TTN: variants seen among roughly 807,000 people sequenced by gnomAD.
TTN encodes connectin.
In TTN, 1,525 loss-of-function variants were observed where a neutral mutation model predicts 3,223.0. The observed-to-expected ratio is 0.47, with a 90% CI of 0.45 to 0.49. The LOEUF (loss-of-function observed/expected upper bound fraction) is 0.49. Among genes scored for constraint, TTN ranks in the 20% least tolerant of loss-of-function variants. The pLI is 0.00. For synonymous variants in TTN, 14,094 were observed against 15,161.0 expected (o/e 0.93, Z 5.17); for missense variants, 40,786 against 43,424.0 (o/e 0.94, Z 5.40).
chr2:178,738,164 C>T lies in TTN; in HGVS notation c.14289G>A (p.Gln4763=). ...ATGTATACTCGCCGCAGTCAACCAC[C>T]TGGGTTCTCAGGATTTCAAGGCTGG... ...YISSLEILRT[Q]VVDCGEYTCK... The change falls in exon 49 of 363, where the codon CAG becomes CAA. Residue 4763 remains glutamine (Q), a synonymous_variant. Coordinates refer to ENST00000589042, the MANE Select transcript of TTN (RefSeq NM_001267550.2). 2 of 1,613,804 alleles carry T rather than the reference C, an allele frequency of 1.2e-6. No homozygotes were observed. The highest frequency in any genetic ancestry group is 3.3e-4 in the Middle Eastern group (2 of 6,060).
In TTN at chr2:178,539,135, T is replaced by C. The variant is rs915727477; in HGVS notation, c.98800A>G (p.Ile32934Val). The stretch of plus-strand genomic sequence containing the variant: ...TCAGTGGATGTCTCTTTGCGTTCGA[T>C]GTAGTAGCCTGTGACTCTAGAACCA... ...DGGSRVTGYY[I>V]ERKETSTDKW... The change falls in exon 353 of 363, where the codon ATC (isoleucine) becomes GTC (valine). Residue 32934 changes from isoleucine (I) to valine (V), a missense_variant. Coordinates refer to ENST00000589042, the MANE Select transcript of TTN (RefSeq NM_001267550.2). 4.3e-6 allele frequency: 7 copies of C among 1,613,766 alleles called. No homozygotes were observed. Among genetic ancestry groups the C allele is most frequent in the Non-Finnish European group, 5.1e-6 (6 of 1,179,758 alleles).
In TTN at chr2:178,532,766, G is replaced by C; in HGVS notation, c.103849C>G (p.Pro34617Ala). ...PLPRITDQYRPKWRIPKLSQD... is the reference protein window; with the variant it reads ...PLPRITDQYRAKWRIPKLSQD... Reference sequence around the variant, plus strand: ...GACAGTTTAGGAATACGCCATTTAGGTCTGTATTGATCTGTAATGCGTGGA... The same window carrying C: ...GACAGTTTAGGAATACGCCATTTAGCTCTGTATTGATCTGTAATGCGTGGA... The change falls in exon 358 of 363, where the codon CCT becomes GCT. Residue 34617 changes from proline (P) to alanine (A), a missense_variant. Coordinates refer to ENST00000589042, the MANE Select transcript of TTN (RefSeq NM_001267550.2). The C allele has an allele frequency of 6.2e-7, 1 of 1,613,934 alleles. No individual in the cohort carries two copies. Among genetic ancestry groups the C allele is most frequent in the South Asian group, 1.1e-5 (1 of 91,078 alleles).
At chr2:178,712,672 A>G in intron 94 of TTN, 25 bp downstream of exon 94, 1 of 1,608,462 alleles carries the variant, frequency 6.2e-7, no homozygotes, top group Non-Finnish European at 8.5e-7. Flanking sequence ...TAATCGTATA[A>G]ATCTAGAAGA....
Position 178,681,142 on chromosome 2 carries a change from C to T in TTN, c.33277G>A (p.Glu11093Lys), listed in dbSNP as rs1223983021. 1.2e-6 allele frequency: 2 copies of T among 1,602,000 alleles called. No individual in the cohort carries two copies. The highest frequency in any genetic ancestry group is 1.3e-5 in the African/African-American group (1 of 74,176). Residue 11093 changes from glutamate (E) to lysine (K), a missense_variant, in exon 138 of 363, where the codon GAA becomes AAA. Coordinates refer to ENST00000589042, the MANE Select transcript of TTN (RefSeq NM_001267550.2). Reference sequence around the variant, plus strand: ...TTGGTAATTGAAATACGTATTTTTTCCTCAAAAACTTTCTTTGGTTCTTCA... The same window carrying T: ...TTGGTAATTGAAATACGTATTTTTTTCTCAAAAACTTTCTTTGGTTCTTCA... The part of the protein sequence containing the change: ...VPEEPKKVFE[E>K]KIRISITKRE...
At position 178,571,871 on chromosome 2, in the gene TTN, A is replaced by G. The variant is rs12616029; in HGVS notation, c.74261T>C (p.Val24754Ala). The G allele has an allele frequency of 3.7e-6, 6 of 1,613,508 alleles. No individual in the cohort carries two copies. Among genetic ancestry groups the G allele is most frequent in the Non-Finnish European group, 5.1e-6 (6 of 1,179,600 alleles). Residue 24754 changes from valine (V) to alanine (A), a missense_variant, in exon 326 of 363, where the codon GTA (valine) becomes GCA (alanine). Physicochemically the swap from Val to Ala is moderately conservative, Grantham distance 64 (BLOSUM62 0). Coordinates refer to ENST00000589042, the MANE Select transcript of TTN (RefSeq NM_001267550.2). ...TACTCTAGTTGTCTGCTTCAGTGGT[A>G]CATTATCTTTATGCCAGGTTACAGC... ...TPAVTWHKDN[V>A]PLKQTTRVNA...
At position 178,780,163 on chromosome 2, in the gene TTN, T is replaced by C. The variant is rs1332318631; in HGVS notation, c.3566A>G (p.Tyr1189Cys). ...LLMKSQQEMLYQTQVTAFVQE... is the reference protein window; with the variant it reads ...LLMKSQQEMLCQTQVTAFVQE... ...AACAAATGCAGTCACTTGTGTCTGA[T>C]AAAGCATTTCTTGCTGGGACTTCAT... is the stretch of plus-strand genomic sequence containing the variant. Residue 1189 changes from tyrosine to cysteine, a missense_variant, in exon 22 of 363, where the codon TAT becomes TGT. By Grantham distance (194) the Tyr-to-Cys change is radical. Transcript: ENST00000589042. 6.2e-7 allele frequency: 1 copy of C among 1,613,910 alleles called. No individual in the cohort carries two copies. The highest frequency in any genetic ancestry group is 1.7e-5 in the Admixed American group (1 of 60,026).
intron 117 of TTN, among the ~76,000 whole-genome samples, chr2:178,694,306 G>A (rs1260480555): frequency 1.3e-5 from 2 of 152,024 alleles, no homozygotes; most frequent in East Asian, 3.9e-4. Context: ...AGAGGACAGG[G>A]AATATTATAT....
chr2:178,770,633 T>C lies in TTN; in HGVS notation c.8159A>G (p.Glu2720Gly), dbSNP rs755264814. Residue 2720 changes from glutamate (E) to glycine (G), a missense_variant, in exon 35 of 363, where the codon GAA (glutamate) becomes GGA (glycine). By Grantham distance (98) the Glu-to-Gly change is moderately conservative (BLOSUM62 -2). Coordinates refer to ENST00000589042, the MANE Select transcript of TTN (RefSeq NM_001267550.2). ...KKTLKNLTVT[E>G]TQDAVFTVEL... is the part of the protein sequence containing the mutation. ...GACAGTGAAAACAGCATCCTGTGTT[T>C]CTGTCACTGTGAGGTTCTTCAGAGT... 7 of 1,613,986 alleles carry C rather than the reference T, an allele frequency of 4.3e-6. No individual in the cohort carries two copies. In the South Asian group the frequency reaches 7.7e-5, roughly 18 times the overall value.
rs1704772471 is a variant in TTN at position 178,564,186 on chromosome 2, G to A, written c.81946C>T (p.Leu27316Phe). The A allele has an allele frequency of 6.2e-7, 1 of 1,613,526 alleles. No homozygotes were observed. The highest frequency in any genetic ancestry group is 1.7e-5 in the Admixed American group (1 of 59,970). Reference sequence around the variant, plus strand: ...TCCATTCTAGCAGCTGTTTCTTCAAGTTCTTTTCCATCTTTTGACCAAACA... The same window carrying A: ...TCCATTCTAGCAGCTGTTTCTTCAAATTCTTTTCCATCTTTTGACCAAACA... ...DVVWSKDGKELEETAARMEIK... is the reference protein window; with the variant it reads ...DVVWSKDGKEFEETAARMEIK... Residue 27316 changes from leucine (L) to phenylalanine (F), a missense_variant, in exon 326 of 363, where the codon CTT (leucine) becomes TTT (phenylalanine). Physicochemically the swap from Leu to Phe is conservative, Grantham distance 22. Transcript: ENST00000589042.
chr2:178,577,562 C>A, intron 323 of TTN, 40 bp downstream of exon 323: 1 of 1,548,164 alleles, frequency 6.5e-7, no homozygotes, highest in South Asian at 1.3e-5. Context: ...GCTTAATTTG[C>A]TTTAAAAAAA....
chr2:178,618,299 C>G lies in TTN; in HGVS notation c.47159G>C (p.Gly15720Ala). 2 of 1,612,680 alleles carry G rather than the reference C, an allele frequency of 1.2e-6. No individual in the cohort carries two copies. Among genetic ancestry groups the G allele is most frequent in the Non-Finnish European group, 1.7e-6 (2 of 1,179,150 alleles). Residue 15720 changes from glycine to alanine, a missense_variant, in exon 252 of 363, where the codon GGT (glycine) becomes GCT (alanine). Transcript: ENST00000589042. ...RAESCEFTVT[G>A]LQKGGVEYLF... ...GTACTCAACTCCTCCTTTCTGTAGA[C>G]CAGTGACAGTAAACTCACAACTCTC...
In TTN at chr2:178,565,071, G is replaced by A; in HGVS notation, c.81061C>T (p.His27021Tyr). ...CTTGCAACTGTTGCTGATACCATGT[G>A]CCAAGTGGTGGTGGTTGTATCTCGC... ...EKRDTTTTTW[H>Y]MVSATVARTT... is the part of the protein sequence containing the mutation. The change falls in exon 326 of 363, where the codon CAC becomes TAC. Residue 27021 changes from histidine (H) to tyrosine (Y), a missense_variant. Transcript: ENST00000589042. 1.9e-6 allele frequency: 3 copies of A among 1,613,614 alleles called. No individual in the cohort carries two copies. The highest frequency in any genetic ancestry group is 2.5e-6 in the Non-Finnish European group (3 of 1,179,670).
chr2:178,558,327 A>C lies in TTN; in HGVS notation c.87118+14T>G. On this transcript the variant is annotated intron_variant, in intron 327 of 362. Coordinates refer to ENST00000589042, the MANE Select transcript of TTN (RefSeq NM_001267550.2). ...ATAATTTCAAATTTTGCTTCTACAC[A>C]AAATTAGACATACCTAGTTGCTCCT... The C allele has an allele frequency of 6.3e-7, 1 of 1,597,230 alleles. No homozygotes were observed.
rs757789191 is a variant in TTN at position 178,588,786 on chromosome 2, A to T, written c.62939T>A (p.Met20980Lys). ...PEVTKVSKEE[M>K]TVVWNPPEYD... ...TTCAGGTGGATTCCAAACCACAGTC[A>T]TCTCTTCTTTGCTTACTTTAGTGAC... Residue 20980 changes from methionine (M) to lysine (K), a missense_variant, in exon 304 of 363, where the codon ATG becomes AAG. Transcript: ENST00000589042. 1.2e-6 allele frequency: 2 copies of T among 1,613,232 alleles called. No homozygotes were observed. The highest frequency in any genetic ancestry group is 1.7e-6 in the Non-Finnish European group (2 of 1,179,592).
chr2:178,644,772 C>G, intron 217 of TTN, 156 bp from the exon 218 acceptor site: 1 of 533,264 alleles, frequency 1.9e-6, no homozygotes, highest in South Asian at 3.0e-5. Flanking sequence ...AAGCAGCATT[C>G]GAACCATGAA....
In TTN at chr2:178,723,047, T is replaced by C; in HGVS notation, c.21960A>G (p.Leu7320=). The C allele has an allele frequency of 6.2e-7, 1 of 1,613,242 alleles. No individual in the cohort carries two copies. Among genetic ancestry groups the C allele is most frequent in the East Asian group, 2.2e-5 (1 of 44,864 alleles). ...TTAAGAGACAATAAGACAACACACC[T>C]AATGTAGATACCAGAGCTCCACAAA... ...RDVCGALVST[L]EPPYFVTELE... Residue 7320 remains leucine (L), a splice_region_variant and synonymous_variant, in exon 75 of 363, where the codon TTA becomes TTG. Transcript: ENST00000589042.
At chr2:178,773,756 A>T in intron 31 of TTN, 31 bp from the exon 32 acceptor site, 1 of 1,614,054 alleles carries the variant, frequency 6.2e-7, no homozygotes, top group Non-Finnish European at 8.5e-7. Flanking sequence ...AAGATGAATG[A>T]ATTTTGTTGA....
At position 178,625,408 on chromosome 2, in the gene TTN, T is replaced by TA. The variant is rs776119628; in HGVS notation, c.44425-13dup. 1.3e-5 allele frequency: 20 copies of TA among 1,540,818 alleles called. No homozygotes were observed. The highest frequency in any genetic ancestry group is 3.4e-4 in the Middle Eastern group (2 of 5,800). ...GAACGTGGGACCACCTAGTTGTTTT[T>TA]AAAAAAAGAATACATGAAACAGCAA... is the stretch of plus-strand genomic sequence containing the variant. On this transcript the variant is annotated splice_polypyrimidine_tract_variant and intron_variant, in intron 240 of 362. Coordinates refer to ENST00000589042, the MANE Select transcript of TTN (RefSeq NM_001267550.2).
rs767450912 is a variant in TTN at position 178,569,415 on chromosome 2, G to T, written c.76717C>A (p.Arg25573=). ...AGCGTATATTTTCCACTATCATATCGGTTGACATTGTCAAGAACAAGAGAG... is the reference window on the plus strand; with the variant it reads ...AGCGTATATTTTCCACTATCATATCTGTTGACATTGTCAAGAACAAGAGAG... ...FTSLVLDNVN[R]YDSGKYTLTL... Residue 25573 remains arginine, a synonymous_variant, in exon 326 of 363, where the codon CGA becomes AGA. Transcript: ENST00000589042. The T allele has an allele frequency of 3.7e-6, 6 of 1,613,118 alleles. No homozygotes were observed. The highest frequency in any genetic ancestry group is 5.1e-6 in the Non-Finnish European group (6 of 1,179,566).
Sources: gnomAD v4.1 joint callset for allele counts (sites outside exome capture counted in the v4.1 genomes callset) on GRCh38, gnomAD v4.1.1 for gene constraint, MANE v1.5 for transcripts, NCBI Gene and HGNC (gene_info 2026-07-23, HGNC 2026-07-21) for gene names.